PSME4: variants seen among roughly 807,000 people sequenced by gnomAD.
PSME4 encodes the protein proteasome activator complex subunit 4.
PSME4 carries 89 observed loss-of-function variants against 253.9 expected under a neutral mutation model. The ratio of observed to expected loss-of-function variants is 0.35; its 90% CI spans 0.30 to 0.42. The LOEUF is 0.42. Ranked by LOEUF, PSME4 falls within the 10% of genes least tolerant of loss-of-function variation. The pLI, the probability that PSME4 is intolerant of heterozygous loss-of-function variation, is 1.00. For missense variants in PSME4, 2,014 were observed against 2,195.2 expected, an observed-to-expected ratio of 0.92 and a Z score of 1.65; for synonymous variants, 851 against 759.2, an observed-to-expected ratio of 1.12 and a Z score of -1.99.
intron 41 of PSME4, among the ~76,000 whole-genome samples, chr2:53,879,226 C>G (rs1038508501): frequency 1.3e-5 from 2 of 152,166 alleles, no homozygotes; most frequent in Non-Finnish European, 2.9e-5. Flanking sequence ...ACACAAAGAT[C>G]TACATTGTAG....
intron 28 of PSME4, 85 bp from the exon 29 acceptor site, chr2:53,900,102 A>G (rs1680326959): frequency 8.0e-7 from 1 of 1,254,800 alleles, no homozygotes; most frequent in Admixed American, 2.3e-5. Context: ...ATGCTAAGTG[A>G]AAGAGGCCAG....
intron 3 of PSME4, among the ~76,000 whole-genome samples, chr2:53,940,953 A>ATATT (rs1491585283): frequency 0.13 from 1,641 of 12,834 alleles, 276 homozygotes; most frequent in African/African-American, 0.18. Context: ...ATATATATAC[A>ATATT]TATATATATA....
At chr2:53,897,667 C>T (rs544498902) in intron 31 of PSME4, among the ~76,000 whole-genome samples, 1 of 152,256 alleles carries the variant, frequency 6.6e-6, no homozygotes, top group South Asian at 2.1e-4. Context: ...CCTGCTATAT[C>T]CCCAGTCTTT....
At chr2:53,946,529 T>C (rs1486585822) in intron 3 of PSME4, among the ~76,000 whole-genome samples, 1 of 152,212 alleles carries the variant, frequency 6.6e-6, no homozygotes, top group Non-Finnish European at 1.5e-5. Context: ...TAGGTCATGG[T>C]CCCTGTGGCA....
intron 41 of PSME4, among the ~76,000 whole-genome samples, chr2:53,879,041 C>T (rs929982209): frequency 1.3e-5 from 2 of 152,180 alleles, no homozygotes; most frequent in African/African-American, 4.8e-5. Flanking sequence ...CCCGGACACC[C>T]AGCTTTAAAA....
intron 41 of PSME4, among the ~76,000 whole-genome samples, chr2:53,880,551 G>C (rs1031654808): frequency 2.0e-5 from 3 of 152,116 alleles, no homozygotes; most frequent in Non-Finnish European, 4.4e-5. Flanking sequence ...ACAGAAAACT[G>C]GTTAAATTTT....
At chr2:53,932,792 C>A (rs1330501018) in intron 8 of PSME4, 32 bp from the exon 9 acceptor site, 2 of 1,529,308 alleles carry the variant, frequency 1.3e-6, no homozygotes, top group Admixed American at 3.3e-5. Flanking sequence ...AATGTCAGTA[C>A]CCACATCATA....
chr2:53,922,489 T>A, intron 17 of PSME4, 28 bp downstream of exon 17: 3 of 1,604,336 alleles, frequency 1.9e-6, no homozygotes, highest in Non-Finnish European at 2.6e-6. Flanking sequence ...TTCACAGTCA[T>A]GTTTCTTATT....
At chr2:53,961,803 C>T (rs1573382998) in intron 1 of PSME4, among the ~76,000 whole-genome samples, 1 of 152,192 alleles carries the variant, frequency 6.6e-6, no homozygotes, top group Non-Finnish European at 1.5e-5. Flanking sequence ...AAGGTACACT[C>T]GCCAGCAGTT....
chr2:53,897,761 A>G, intron 31 of PSME4, 109 bp downstream of exon 31: 1 of 1,243,850 alleles, frequency 8.0e-7, no homozygotes, highest in Non-Finnish European at 1.1e-6. Flanking sequence ...AAATCAATAC[A>G]CTTCAAGATA....
At chr2:53,967,130 T>G (rs560632234) in intron 1 of PSME4, among the ~76,000 whole-genome samples, 1 of 152,352 alleles carries the variant, frequency 6.6e-6, no homozygotes, top group East Asian at 1.9e-4. Context: ...TTCTCTAATT[T>G]GTTTCAACTT....
intron 8 of PSME4, among the ~76,000 whole-genome samples, chr2:53,934,345 G>C (rs1026444963): frequency 1.3e-5 from 2 of 152,182 alleles, no homozygotes; most frequent in African/African-American, 4.8e-5. Context: ...TTCCCGGACA[G>C]TAAAAATGTT....
At chr2:53,927,614 T>C in intron 11 of PSME4, 131 bp from the exon 12 acceptor site, 1 of 723,656 alleles carries the variant, frequency 1.4e-6, no homozygotes, top group Non-Finnish European at 2.4e-6. Context: ...TTCTGGGTAT[T>C]CCTCATTTAG....
chr2:53,887,612 C>T (rs1363076210), intron 39 of PSME4, 145 bp from the exon 40 acceptor site: 1 of 906,364 alleles, frequency 1.1e-6, no homozygotes, highest in South Asian at 1.8e-5. Context: ...TAAAAGAAGC[C>T]TTATAATTAA....
chr2:53,913,619 C>G (rs958419135), intron 20 of PSME4, among the ~76,000 whole-genome samples: 3 of 152,118 alleles, frequency 2.0e-5, no homozygotes, highest in Non-Finnish European at 4.4e-5. Flanking sequence ...TCACAAGAGA[C>G]AGTTAGGCCT....
intron 39 of PSME4, 61 bp downstream of exon 39, chr2:53,887,797 C>T (rs982728927): frequency 6.7e-7 from 1 of 1,483,372 alleles, no homozygotes. Context: ...TTACCTATTA[C>T]AATTTAAAAA....
At chr2:53,956,583 T>C (rs1278564092) in intron 1 of PSME4, among the ~76,000 whole-genome samples, 1 of 151,870 alleles carries the variant, frequency 6.6e-6, no homozygotes, top group Non-Finnish European at 1.5e-5. Flanking sequence ...TTATTCTATA[T>C]ATTTTTTGAG....
chr2:53,966,428 G>A (rs890037734), intron 1 of PSME4, among the ~76,000 whole-genome samples: 4 of 152,106 alleles, frequency 2.6e-5, no homozygotes, highest in African/African-American at 7.2e-5. Flanking sequence ...TTGGGAGGCC[G>A]GGGTGGCCAG....
Position 53,936,071 on chromosome 2 carries a change from C to G in PSME4, c.834+16G>C. 6.2e-7 allele frequency: 1 copy of G among 1,606,046 alleles called. No individual in the cohort carries two copies. The highest frequency in any genetic ancestry group is 8.5e-7 in the Non-Finnish European group (1 of 1,176,072). The stretch of plus-strand genomic sequence containing the variant: ...ACCCCATGCCTGATAATTTTTTTCC[C>G]CAAAATGTTAATTACCTTTGGTACA... On this transcript the variant is annotated intron_variant, in intron 7 of 46. Coordinates refer to ENST00000404125, the MANE Select transcript of PSME4 (RefSeq NM_014614.3).
Sources: allele counts gnomAD v4.1 joint callset (sites outside exome capture counted in the v4.1 genomes callset), GRCh38; gene constraint gnomAD v4.1.1; transcripts MANE v1.5; gene names NCBI Gene and HGNC (gene_info 2026-07-23, HGNC 2026-07-21).